PPP3CA: variants seen among roughly 807,000 people sequenced by gnomAD.
The protein encoded by PPP3CA is protein phosphatase 3 catalytic subunit alpha.
Under a neutral mutation model 66.5 loss-of-function variants are expected in PPP3CA, and 14 were observed. The ratio of observed to expected loss-of-function variants is 0.21; its 90% CI spans 0.14 to 0.33. The LOEUF is 0.33. Ranked by LOEUF, PPP3CA falls within the 10% of genes least tolerant of loss-of-function variation. The probability of loss-of-function intolerance (pLI) is 1.00; values close to 1 mark genes in which losing one functional copy is unlikely to be tolerated. For missense variants in PPP3CA, 317 were observed against 639.5 expected, an observed-to-expected ratio of 0.50 and a Z score of 5.44; for synonymous variants, 232 against 226.2, an observed-to-expected ratio of 1.03 and a Z score of -0.23.
intron 1 of PPP3CA, among the ~76,000 whole-genome samples, chr4:101,232,706 T>C (rs1355852513): frequency 2.0e-5 from 3 of 151,756 alleles, no homozygotes; most frequent in South Asian, 2.1e-4. Context: ...GAATATCTCT[T>C]TGCATTTCCA....
chr4:101,335,896 C>T lies in PPP3CA; in HGVS notation c.58+10843G>A, dbSNP rs922056145. 1.1e-4 allele frequency among the ~76,000 whole-genome samples: 17 copies of T among 152,280 alleles called. No individual in the cohort carries two copies. The East Asian group carries it at 3.1e-3, about 28-fold the overall frequency. The stretch of plus-strand genomic sequence containing the variant: ...ACTGACCTGGATTTAAAGGTAGACT[C>T]CTAGGATGGAGGAGGACCTAGAAAC... On this transcript the variant is annotated intron_variant, in intron 1 of 13. Coordinates refer to ENST00000394854, the MANE Select transcript of PPP3CA (RefSeq NM_000944.5).
chr4:101,194,845 G>C (rs538479061), intron 2 of PPP3CA, among the ~76,000 whole-genome samples: 4 of 152,166 alleles, frequency 2.6e-5, no homozygotes, highest in South Asian at 2.1e-4. Context: ...GGGATTATAA[G>C]AGTTAGCCAC....
intron 2 of PPP3CA, among the ~76,000 whole-genome samples, chr4:101,151,205 A>T (rs2695206): frequency 0.56 from 85,045 of 151,982 alleles, 26,652 homozygotes; most frequent in African/African-American, 0.84. Flanking sequence ...TGAATAATCA[A>T]TGTTCTGGCC....
At chr4:101,083,814 A>G (rs1284878939) in intron 6 of PPP3CA, among the ~76,000 whole-genome samples, 1 of 152,204 alleles carries the variant, frequency 6.6e-6, no homozygotes, top group Non-Finnish European at 1.5e-5. Context: ...TGCTTTATCT[A>G]ACATTATGGG....
intron 10 of PPP3CA, among the ~76,000 whole-genome samples, chr4:101,042,602 G>C (rs1307234117): frequency 6.6e-6 from 1 of 152,026 alleles, no homozygotes; most frequent in East Asian, 1.9e-4. Context: ...TAGTCTCTCG[G>C]TCAGAACACT....
At chr4:101,271,648 A>AAG (rs1727339412) in intron 1 of PPP3CA, among the ~76,000 whole-genome samples, 1 of 152,280 alleles carries the variant, frequency 6.6e-6, no homozygotes, top group Admixed American at 6.5e-5. Flanking sequence ...TAAGGGAGGG[A>AAG]AGAGGATCAT....
intron 11 of PPP3CA, 60 bp downstream of exon 11, chr4:101,040,422 G>T: frequency 8.6e-7 from 1 of 1,159,200 alleles, no homozygotes; most frequent in Non-Finnish European, 1.2e-6. Flanking sequence ...AAGTATTAAA[G>T]TATTTATTAG....
chr4:101,162,392 G>T, intron 2 of PPP3CA, among the ~76,000 whole-genome samples: 1 of 151,858 alleles, frequency 6.6e-6, no homozygotes, highest in East Asian at 1.9e-4. Flanking sequence ...TTAGCTGGGT[G>T]TGGTGGCGGG....
chr4:101,219,289 T>C (rs1481546102), intron 1 of PPP3CA, among the ~76,000 whole-genome samples: 1 of 151,992 alleles, frequency 6.6e-6, no homozygotes, highest in African/African-American at 2.4e-5. Context: ...ATAAAATCTA[T>C]TCTCCCTTCA....
chr4:101,311,864 C>T (rs1728732851), intron 1 of PPP3CA, among the ~76,000 whole-genome samples: 2 of 152,138 alleles, frequency 1.3e-5, no homozygotes, highest in South Asian at 4.1e-4. Context: ...CAACCTTGTC[C>T]AAGCCATCCA....
At chr4:101,235,680 C>T (rs1219451768) in intron 1 of PPP3CA, among the ~76,000 whole-genome samples, 1 of 151,688 alleles carries the variant, frequency 6.6e-6, no homozygotes, top group Non-Finnish European at 1.5e-5. Context: ...CATATTATGG[C>T]CATTGATATC....
intron 1 of PPP3CA, among the ~76,000 whole-genome samples, chr4:101,238,245 G>A (rs1726188217): frequency 6.6e-6 from 1 of 151,998 alleles, no homozygotes; most frequent in Non-Finnish European, 1.5e-5. Flanking sequence ...ATCACTATAT[G>A]TCACTATATT....
chr4:101,245,700 A>C (rs536583231), intron 1 of PPP3CA, among the ~76,000 whole-genome samples: 1 of 152,046 alleles, frequency 6.6e-6, no homozygotes, highest in Non-Finnish European at 1.5e-5. Flanking sequence ...AACAGTACTT[A>C]TCAACATATA....
intron 1 of PPP3CA, among the ~76,000 whole-genome samples, chr4:101,334,480 A>C (rs1186292462): frequency 6.6e-6 from 1 of 152,170 alleles, no homozygotes; most frequent in Non-Finnish European, 1.5e-5. Context: ...TTTAAAAAGA[A>C]GCATGAAAGT....
chr4:101,168,761 A>G (rs1033463998), intron 2 of PPP3CA, among the ~76,000 whole-genome samples: 1 of 152,186 alleles, frequency 6.6e-6, no homozygotes, highest in African/African-American at 2.4e-5. Context: ...TATTAAGACC[A>G]TATATACGTC....
intron 4 of PPP3CA, among the ~76,000 whole-genome samples, chr4:101,099,122 A>G (rs1470520555): frequency 6.6e-6 from 1 of 152,160 alleles, no homozygotes; most frequent in African/African-American, 2.4e-5. Context: ...TCAGTGAATA[A>G]TAAGAAAAAT....
intron 2 of PPP3CA, among the ~76,000 whole-genome samples, chr4:101,180,292 C>T (rs985012778): frequency 6.6e-6 from 1 of 152,104 alleles, no homozygotes; most frequent in Non-Finnish European, 1.5e-5. Flanking sequence ...TCCAATTTGG[C>T]ACCCATAATT....
At chr4:101,180,537 T>C (rs1192651015) in intron 2 of PPP3CA, among the ~76,000 whole-genome samples, 1 of 152,172 alleles carries the variant, frequency 6.6e-6, no homozygotes, top group Non-Finnish European at 1.5e-5. Flanking sequence ...ATTGTATGCC[T>C]TAAATTTATT....
chr4:101,162,802 T>C (rs1723561948), intron 2 of PPP3CA, among the ~76,000 whole-genome samples: 1 of 152,150 alleles, frequency 6.6e-6, no homozygotes, highest in East Asian at 1.9e-4. Flanking sequence ...TATGAGAATT[T>C]TGATTTAATT....
Sources: gnomAD v4.1 joint callset for allele counts (sites outside exome capture counted in the v4.1 genomes callset) on GRCh38, gnomAD v4.1.1 for gene constraint, MANE v1.5 for transcripts, NCBI Gene and HGNC (gene_info 2026-07-23, HGNC 2026-07-21) for gene names.